Variants in MYO10 observed in about 807,000 individuals in gnomAD.
MYO10 encodes myosin X.
MYO10 carries 133 observed loss-of-function variants against 257.3 expected under a neutral mutation model. That is an observed-to-expected ratio of 0.52 (90% CI 0.45 to 0.60). The LOEUF is 0.60. MYO10 is among the 20% of genes least tolerant of loss of function. The pLI is 0.00. For missense variants in MYO10, 2,399 were observed against 2,635.7 expected (o/e 0.91, Z 1.97); for synonymous variants, 1,104 against 1,028.6 (o/e 1.07, Z -1.40).
intron 1 of MYO10, among the ~76,000 whole-genome samples, chr5:16,932,964 G>A (rs768118315): frequency 6.6e-5 from 10 of 152,200 alleles, no homozygotes; most frequent in Middle Eastern, 6.8e-3. Context: ...TCACCATGTT[G>A]CCCCGGCTGG....
At chr5:16,693,392 C>A (rs1319534538) in intron 27 of MYO10, among the ~76,000 whole-genome samples, 2 of 152,244 alleles carry the variant, frequency 1.3e-5, no homozygotes, top group Non-Finnish European at 2.9e-5. Context: ...AGGATTCTCA[C>A]AAGCGCACTC....
chr5:16,919,671 A>C (rs1399992540), intron 1 of MYO10, among the ~76,000 whole-genome samples: 2 of 152,228 alleles, frequency 1.3e-5, no homozygotes, highest in African/African-American at 4.8e-5. Flanking sequence ...TCACAAGTTA[A>C]ATAATGGAAT....
chr5:16,768,826 C>T (rs1740960070), intron 10 of MYO10, among the ~76,000 whole-genome samples: 4 of 151,894 alleles, frequency 2.6e-5, no homozygotes, highest in Admixed American at 2.0e-4. Context: ...CAGGGGCACA[C>T]CATCATGCCT....
At chr5:16,802,581 C>T (rs1317979405) in intron 3 of MYO10, among the ~76,000 whole-genome samples, 2 of 147,630 alleles carry the variant, frequency 1.4e-5, no homozygotes, top group African/African-American at 5.0e-5. Context: ...GGCATGAACC[C>T]GGGAGGCAGA....
chr5:16,666,448 C>T lies in MYO10; in HGVS notation c.*244G>A. 2.4e-6 allele frequency: 1 copy of T among 424,086 alleles called. No individual in the cohort carries two copies. Among genetic ancestry groups the T allele is most frequent in the African/African-American group, 2.0e-5 (1 of 49,064 alleles). The allele number at this position is 424,086 out of a possible 1,614,324, so 26.3% of individuals were successfully genotyped here. A position where few individuals can be genotyped will look rare whatever the true frequency, so the allele number is the denominator to read the frequency against. ...TGGTTCCTCCCCTCCTTTTTTAAGG[C>T]ATGTGTCCTCTAAGAGTAGTAAAGC... On this transcript the variant is annotated 3_prime_UTR_variant, in exon 41 of 41. Coordinates refer to ENST00000513610, the MANE Select transcript of MYO10 (RefSeq NM_012334.3).
At chr5:16,791,673 T>C (rs1342912278) in intron 4 of MYO10, among the ~76,000 whole-genome samples, 1 of 152,210 alleles carries the variant, frequency 6.6e-6, no homozygotes, top group East Asian at 1.9e-4. Context: ...ATGTAATAAA[T>C]ACAAGCAATT....
At chr5:16,915,962 GA>G (rs10541432) in intron 1 of MYO10, 43,384 of 387,840 alleles carry the variant, frequency 0.11, 363 homozygotes, top group East Asian at 0.18. Context: ...ACGTCAAAAA[GA>G]AAAAAAAAAA....
chr5:16,895,220 G>T (rs1247228058), intron 1 of MYO10, among the ~76,000 whole-genome samples: 2 of 152,228 alleles, frequency 1.3e-5, no homozygotes, highest in African/African-American at 4.8e-5. Context: ...AAGGCCTTCA[G>T]TCACTCAAAA....
chr5:16,901,517 A>G (rs758374731), intron 1 of MYO10, among the ~76,000 whole-genome samples: 6 of 152,154 alleles, frequency 3.9e-5, no homozygotes, highest in Non-Finnish European at 7.3e-5. Context: ...GCCCTGCCCT[A>G]TTAACAATGA....
chr5:16,670,318 C>T (rs777709228), intron 39 of MYO10, among the ~76,000 whole-genome samples: 5 of 152,066 alleles, frequency 3.3e-5, no homozygotes, highest in African/African-American at 7.2e-5. Context: ...GCATTCATTC[C>T]TAATATTACA....
chr5:16,769,671 A>G (rs767226765), intron 9 of MYO10, among the ~76,000 whole-genome samples: 1 of 151,962 alleles, frequency 6.6e-6, no homozygotes, highest in Non-Finnish European at 1.5e-5. Context: ...TGATGAGGAC[A>G]TTACATAGTG....
At chr5:16,772,921 G>A (rs1314883251) in intron 9 of MYO10, among the ~76,000 whole-genome samples, 1 of 152,138 alleles carries the variant, frequency 6.6e-6, no homozygotes, top group Non-Finnish European at 1.5e-5. Context: ...GGTGTGGGGG[G>A]GTTGGGATTG....
At chr5:16,717,049 C>G (rs1264512057) in intron 19 of MYO10, among the ~76,000 whole-genome samples, 1 of 152,138 alleles carries the variant, frequency 6.6e-6, no homozygotes, top group African/African-American at 2.4e-5. Context: ...GTTGGCCAGA[C>G]TGGTCTTGAA....
intron 19 of MYO10, among the ~76,000 whole-genome samples, chr5:16,750,222 C>G (rs2126639642): frequency 6.6e-6 from 1 of 152,250 alleles, no homozygotes; most frequent in Non-Finnish European, 1.5e-5. Context: ...TGCTTCCTCG[C>G]TGAGCGCCAG....
intron 2 of MYO10, among the ~76,000 whole-genome samples, chr5:16,877,399 T>C (rs1384602580): frequency 6.6e-6 from 1 of 152,236 alleles, no homozygotes; most frequent in African/African-American, 2.4e-5. Flanking sequence ...CTAGTTGGAA[T>C]ATTTGCTGTG....
chr5:16,784,046 A>G (rs759585068), intron 4 of MYO10, among the ~76,000 whole-genome samples: 1 of 152,234 alleles, frequency 6.6e-6, no homozygotes, highest in Non-Finnish European at 1.5e-5. Context: ...GGCCTGATCC[A>G]AAGTCCTGCC....
At chr5:16,873,441 A>T (rs1744502662) in intron 2 of MYO10, among the ~76,000 whole-genome samples, 2 of 152,130 alleles carry the variant, frequency 1.3e-5, no homozygotes, top group African/African-American at 4.8e-5. Context: ...CAGCTTTTCC[A>T]GGTGCACAGT....
At chr5:16,864,844 AG>A (rs1253188793) in intron 2 of MYO10, among the ~76,000 whole-genome samples, 1 of 152,212 alleles carries the variant, frequency 6.6e-6, no homozygotes, top group Non-Finnish European at 1.5e-5. Context: ...TGGCTTCCAG[AG>A]CAGAAAAGAT....
At chr5:16,686,312 A>G (rs934917209) in intron 28 of MYO10, among the ~76,000 whole-genome samples, 2 of 152,182 alleles carry the variant, frequency 1.3e-5, no homozygotes, top group Admixed American at 1.3e-4. Flanking sequence ...ACAAATCTGA[A>G]ATCTGAAATG....
Sources: gnomAD v4.1 joint callset for allele counts (sites outside exome capture counted in the v4.1 genomes callset) on GRCh38, gnomAD v4.1.1 for gene constraint, MANE v1.5 for transcripts, NCBI Gene and HGNC (gene_info 2026-07-23, HGNC 2026-07-21) for gene names.